SF3B3: variants seen among roughly 807,000 people sequenced by gnomAD.
SF3B3 encodes the protein splicing factor 3b subunit 3.
In SF3B3, 33 loss-of-function variants were observed where a neutral mutation model predicts 139.2. That is an observed-to-expected ratio of 0.24 (90% CI 0.18 to 0.32). The LOEUF (loss-of-function observed/expected upper bound fraction) is 0.32, where lower values mean the gene tolerates loss of function less well. SF3B3 is among the 10% of genes least tolerant of loss of function. The pLI is 1.00. For missense variants in SF3B3, 818 were observed against 1,509.4 expected (o/e 0.54, Z 7.59); for synonymous variants, 596 against 563.6 (o/e 1.06, Z -0.81).
chr16:70,529,145 A>G lies in SF3B3; in HGVS notation c.343A>G (p.Ile115Val). The change falls in exon 3 of 26, where the codon ATC (isoleucine) becomes GTC (valine). Residue 115 changes from isoleucine (I) to valine (V), a missense_variant. By Grantham distance (29) the Ile-to-Val change is conservative. Coordinates refer to ENST00000302516, the MANE Select transcript of SF3B3 (RefSeq NM_012426.5). ...CTTTGGCAAGAGTGGATGCCGTCGC[A>G]TCGTTCCTGGCCAGTTCTTAGCTGT... ...ETFGKSGCRR[I>V]VPGQFLAVDP... 4 of 1,614,162 alleles carry G rather than the reference A, an allele frequency of 2.5e-6. No individual in the cohort carries two copies. The highest frequency in any genetic ancestry group is 2.5e-6 in the Non-Finnish European group (3 of 1,180,046).
In SF3B3 at chr16:70,563,958, C is replaced by T. The variant is rs1281959681; in HGVS notation, c.2371C>T (p.His791Tyr). Residue 791 changes from histidine (H) to tyrosine (Y), a missense_variant, in exon 18 of 26, where the codon CAC (histidine) becomes TAC (tyrosine). Physicochemically the swap from His to Tyr is moderately conservative, Grantham distance 83. Coordinates refer to ENST00000302516, the MANE Select transcript of SF3B3 (RefSeq NM_012426.5). ...LQYTPRKFVI[H>Y]PESNNLIIIE... ...GTACACACCCAGGAAATTTGTCATC[C>T]ACCCTGAGAGTAACAACCTTATTAT... 3 of 1,614,010 alleles carry T rather than the reference C, an allele frequency of 1.9e-6. No homozygotes were observed. Among genetic ancestry groups the T allele is most frequent in the African/African-American group, 1.3e-5 (1 of 74,910 alleles).
Position 70,529,140 on chromosome 16 carries a change from G to A in SF3B3, c.338G>A (p.Arg113His), listed in dbSNP as rs970237607. 3.7e-6 allele frequency: 6 copies of A among 1,614,152 alleles called. No homozygotes were observed. The highest frequency in any genetic ancestry group is 1.7e-6 in the Non-Finnish European group (2 of 1,180,022). Residue 113 changes from arginine to histidine, a missense_variant, in exon 3 of 26, where the codon CGT becomes CAT. Physicochemically the swap from Arg to His is conservative, Grantham distance 29. Transcript: ENST00000302516. ...GAAACCTTTGGCAAGAGTGGATGCC[G>A]TCGCATCGTTCCTGGCCAGTTCTTA... The part of the protein sequence containing the change: ...HQETFGKSGC[R>H]RIVPGQFLAV...
At chr16:70,544,412 T>A (rs1284679919) in intron 9 of SF3B3, 26 bp from the exon 10 acceptor site, 1 of 1,437,438 alleles carries the variant, frequency 7.0e-7, no homozygotes, top group Non-Finnish European at 9.8e-7. Context: ...GGAGACATTT[T>A]TTCCTCTAAC....
intron 8 of SF3B3, among the ~76,000 whole-genome samples, chr16:70,541,311 A>G (rs4985532): frequency 0.055 from 7,838 of 141,634 alleles, 294 homozygotes; most frequent in East Asian, 0.1. Context: ...TGAGTTCTCT[A>G]TGTGTTCTGG....
At chr16:70,560,402 G>A in intron 15 of SF3B3, 67 bp from the exon 16 acceptor site, 1 of 1,560,954 alleles carries the variant, frequency 6.4e-7, no homozygotes, top group Non-Finnish European at 8.7e-7. Context: ...GTACCCAAGG[G>A]AGAGGTTTTC....
chr16:70,537,318 T>C (rs2050178056), intron 6 of SF3B3, among the ~76,000 whole-genome samples: 1 of 152,220 alleles, frequency 6.6e-6, no homozygotes. Context: ...ATTGTCTTCA[T>C]TGTAACGGTA....
At chr16:70,554,315 G>T in intron 11 of SF3B3, 131 bp from the exon 12 acceptor site, 1 of 782,778 alleles carries the variant, frequency 1.3e-6, no homozygotes, top group Non-Finnish European at 2.1e-6. Flanking sequence ...ATGTGTATGT[G>T]TGTATGTGTG....
intron 2 of SF3B3, 49 bp from the exon 3 acceptor site, chr16:70,528,824 G>T (rs765534148): frequency 2.9e-6 from 4 of 1,403,088 alleles, no homozygotes; most frequent in Non-Finnish European, 3.0e-6. Flanking sequence ...CACCATGGTG[G>T]CCAGGCTGGG....
chr16:70,532,602 G>T lies in SF3B3; in HGVS notation c.694G>T (p.Gly232Cys), dbSNP rs765225482. Reference protein sequence around the residue: ...RKYSEPLEEHGNFLITVPGGS... With the variant: ...RKYSEPLEEHCNFLITVPGGS... ...ATACAGTGAACCTTTGGAGGAACAC[G>T]GCAACTTCCTTATTACAGGTACTTT... is the stretch of plus-strand genomic sequence containing the variant. The change falls in exon 5 of 26, where the codon GGC becomes TGC. Residue 232 changes from glycine (G) to cysteine (C), a missense_variant. Physicochemically the swap from Gly to Cys is radical, Grantham distance 159 (BLOSUM62 -3). Coordinates refer to ENST00000302516, the MANE Select transcript of SF3B3 (RefSeq NM_012426.5). 1 of 1,614,080 alleles carries T rather than the reference G, an allele frequency of 6.2e-7. No individual in the cohort carries two copies. The highest frequency in any genetic ancestry group is 1.7e-5 in the Admixed American group (1 of 60,018).
intron 11 of SF3B3, among the ~76,000 whole-genome samples, chr16:70,553,589 C>T (rs1281421495): frequency 6.6e-6 from 1 of 152,136 alleles, no homozygotes; most frequent in Non-Finnish European, 1.5e-5. Flanking sequence ...CAACATTTAT[C>T]AAGCTTTACG....
At chr16:70,560,806 T>C (rs1421384098) in intron 16 of SF3B3, among the ~76,000 whole-genome samples, 1 of 152,190 alleles carries the variant, frequency 6.6e-6, no homozygotes, top group African/African-American at 2.4e-5. Context: ...GGTAGAGATA[T>C]CGATCCCTTT....
intron 10 of SF3B3, among the ~76,000 whole-genome samples, 166 bp from the exon 11 acceptor site, chr16:70,548,204 C>T (rs2050287218): frequency 6.6e-6 from 1 of 152,212 alleles, no homozygotes; most frequent in Admixed American, 6.5e-5. Context: ...CCACTAAGAA[C>T]CAGCCTGTTT....
In SF3B3 at chr16:70,567,499, T is replaced by A; in HGVS notation, c.2915T>A (p.Leu972Gln). ...GVGKLLRVYDLGKKKLLRKCE... is the reference protein window; with the variant it reads ...GVGKLLRVYDQGKKKLLRKCE... ...GGGAAGCTGTTGCGTGTCTATGACC[T>A]GGGAAAGAAGAAGTTACTCCGAAAA... is the stretch of plus-strand genomic sequence containing the variant. Residue 972 changes from leucine to glutamine, a missense_variant, in exon 21 of 26, where the codon CTG becomes CAG. This residue lies in a region of SF3B3 where 145 missense variants were observed against 153.6 expected (regional missense o/e 0.94). Coordinates refer to ENST00000302516, the MANE Select transcript of SF3B3 (RefSeq NM_012426.5). 1 of 1,614,014 alleles carries A rather than the reference T, an allele frequency of 6.2e-7. No individual in the cohort carries two copies. Among genetic ancestry groups the A allele is most frequent in the Non-Finnish European group, 8.5e-7 (1 of 1,179,992 alleles).
Position 70,567,465 on chromosome 16 carries a change from A to G in SF3B3, c.2881A>G (p.Ile961Val). 1 of 1,613,836 alleles carries G rather than the reference A, an allele frequency of 6.2e-7. No homozygotes were observed. The highest frequency in any genetic ancestry group is 8.5e-7 in the Non-Finnish European group (1 of 1,179,942). ...AIAPFQGRVLIGVGKLLRVYD... is the reference protein window; with the variant it reads ...AIAPFQGRVLVGVGKLLRVYD... ...TGCCCCATTCCAGGGGAGGGTGTTG[A>G]TTGGTGTGGGGAAGCTGTTGCGTGT... is the stretch of plus-strand genomic sequence containing the variant. The change falls in exon 21 of 26, where the codon ATT becomes GTT. Residue 961 changes from isoleucine to valine, a missense_variant. Coordinates refer to ENST00000302516, the MANE Select transcript of SF3B3 (RefSeq NM_012426.5).
chr16:70,529,216 A>T lies in SF3B3; in HGVS notation c.397+17A>T. 1 of 1,598,724 alleles carries T rather than the reference A, an allele frequency of 6.3e-7. No homozygotes were observed. Reference sequence around the variant, plus strand: ...TTATGATTAGTAAGTGATTTACTCTACTTGCTGTATATGCCTAGTTTAGGA... The same window carrying T: ...TTATGATTAGTAAGTGATTTACTCTTCTTGCTGTATATGCCTAGTTTAGGA... On this transcript the variant is annotated intron_variant, in intron 3 of 25. Coordinates refer to ENST00000302516, the MANE Select transcript of SF3B3 (RefSeq NM_012426.5).
At chr16:70,560,905 A>T (rs1179303811) in intron 16 of SF3B3, among the ~76,000 whole-genome samples, 1 of 152,234 alleles carries the variant, frequency 6.6e-6, no homozygotes. Flanking sequence ...CCAGTCTTAG[A>T]TCAGTGTCAC....
At chr16:70,558,400 T>C (rs1207270467) in intron 15 of SF3B3, among the ~76,000 whole-genome samples, 1 of 151,974 alleles carries the variant, frequency 6.6e-6, no homozygotes, top group Non-Finnish European at 1.5e-5. Context: ...AATGCAGGCA[T>C]GAACCACCGT....
At chr16:70,548,606 C>T (rs768503898) in intron 11 of SF3B3, 164 bp downstream of exon 11, 8 of 588,096 alleles carry the variant, frequency 1.4e-5, no homozygotes, top group Non-Finnish European at 1.2e-5. Flanking sequence ...TTCAGGATGC[C>T]TTCACCTACC....
At chr16:70,550,509 C>T (rs890255764) in intron 11 of SF3B3, 1 of 217,966 alleles carries the variant, frequency 4.6e-6, no homozygotes, top group East Asian at 1.8e-4. Context: ...TTGGTTCACT[C>T]ACTTTCCAGA....
Sources: gnomAD v4.1 joint callset for allele counts (sites outside exome capture counted in the v4.1 genomes callset) on GRCh38, gnomAD v4.1.1 for gene constraint, gnomAD v4.1.1 regional missense constraint, MANE v1.5 for transcripts, NCBI Gene and HGNC (gene_info 2026-07-23, HGNC 2026-07-21) for gene names.